The following PSMB7 variants were observed in gnomAD, a reference collection of about 807,000 sequenced individuals.
The protein encoded by PSMB7 is proteasome 20S subunit beta 7, also known as proteasome subunit beta type-7.
Under a neutral mutation model 28.1 loss-of-function variants are expected in PSMB7, and 5 were observed. The ratio of observed to expected loss-of-function variants is 0.18; its 90% CI spans 0.09 to 0.37. The LOEUF (loss-of-function observed/expected upper bound fraction) is 0.37, where lower values mean the gene tolerates loss of function less well. Ranked by LOEUF, PSMB7 falls within the 10% of genes least tolerant of loss-of-function variation. PSMB7 has a pLI of 1.00. For synonymous variants in PSMB7, 122 were observed against 123.7 expected (o/e 0.99, Z 0.09); for missense variants, 275 against 346.2 (o/e 0.79, Z 1.63).
intron 5 of PSMB7, among the ~76,000 whole-genome samples, chr9:124,397,350 C>A (rs1478742406): frequency 1.3e-5 from 2 of 152,210 alleles, no homozygotes; most frequent in Non-Finnish European, 2.9e-5. Flanking sequence ...GGGGCCACAC[C>A]ACCAGGAGTC....
At chr9:124,406,497 C>CAAAA (rs772524538) in intron 4 of PSMB7, among the ~76,000 whole-genome samples, 2 of 50,502 alleles carry the variant, frequency 4.0e-5, no homozygotes, top group Admixed American at 2.2e-4. Flanking sequence ...AGAGTTGTCT[C>CAAAA]AAAAAAAAAA....
chr9:124,415,301 C>T (rs1831075191), intron 1 of PSMB7, 63 bp downstream of exon 1: 2 of 1,532,666 alleles, frequency 1.3e-6, no homozygotes, highest in Admixed American at 3.4e-5. Context: ...CACCTTGGCC[C>T]AGCTCCCACC....
intron 6 of PSMB7, among the ~76,000 whole-genome samples, chr9:124,371,256 C>T (rs1830559285): frequency 6.6e-6 from 1 of 152,216 alleles, no homozygotes; most frequent in African/African-American, 2.4e-5. Context: ...CCTGCCAAGG[C>T]AAAACTTATA....
chr9:124,369,820 AT>A (rs1830544058), intron 6 of PSMB7, among the ~76,000 whole-genome samples: 1 of 152,074 alleles, frequency 6.6e-6, no homozygotes, highest in African/African-American at 2.4e-5. Flanking sequence ...GAGGAGTCAC[AT>A]GCAATTTGAG....
chr9:124,353,798 G>T, intron 7 of PSMB7, 89 bp from the exon 8 acceptor site: 1 of 952,676 alleles, frequency 1.0e-6, no homozygotes, highest in Non-Finnish European at 1.7e-6. Flanking sequence ...TTCAGGCAAC[G>T]CAGTGAGCAG....
intron 6 of PSMB7, among the ~76,000 whole-genome samples, chr9:124,380,652 C>A (rs963761473): frequency 2.0e-5 from 3 of 152,142 alleles, no homozygotes; most frequent in Admixed American, 6.5e-5. Context: ...AAAGTGGTTG[C>A]TGGAAACATG....
intron 5 of PSMB7, among the ~76,000 whole-genome samples, chr9:124,397,545 G>A (rs1158737373): frequency 6.6e-6 from 1 of 152,094 alleles, no homozygotes; most frequent in Non-Finnish European, 1.5e-5. Flanking sequence ...GCCAATACAG[G>A]CCCATGGGTA....
intron 2 of PSMB7, among the ~76,000 whole-genome samples, chr9:124,414,544 A>G (rs528237182): frequency 6.6e-6 from 1 of 152,106 alleles, no homozygotes; most frequent in African/African-American, 2.4e-5. Context: ...CTGACCCCAA[A>G]TCTCGTGATC....
chr9:124,392,548 T>C (rs953563453), intron 5 of PSMB7, among the ~76,000 whole-genome samples: 2 of 152,068 alleles, frequency 1.3e-5, no homozygotes, highest in African/African-American at 4.8e-5. Context: ...GCTCTGAGGG[T>C]TACACAAGAT....
intron 5 of PSMB7, among the ~76,000 whole-genome samples, chr9:124,402,553 C>T (rs1045290455): frequency 2.6e-5 from 4 of 151,040 alleles, no homozygotes; most frequent in Non-Finnish European, 2.9e-5. Context: ...TGGTTCCCCA[C>T]GCACACGAAA....
rs1053544586 is a variant in PSMB7 at position 124,380,504 on chromosome 9, G to A, written c.570+4094C>T. Among the ~76,000 whole-genome samples the A allele has an allele frequency of 1.2e-4, 19 of 152,264 alleles. No homozygotes were observed. The East Asian group carries it at 3.7e-3, about 29-fold the overall frequency. On this transcript the variant is annotated intron_variant, in intron 6 of 7. Coordinates refer to ENST00000259457, the MANE Select transcript of PSMB7 (RefSeq NM_002799.4). Reference sequence around the variant, plus strand: ...TGCAGTGAGCCCTGGTCATGCCACTGCACTCCAGCCTGGGCAACAGAGCAA... The same window carrying A: ...TGCAGTGAGCCCTGGTCATGCCACTACACTCCAGCCTGGGCAACAGAGCAA...
chr9:124,382,957 G>A (rs572982595), intron 6 of PSMB7, among the ~76,000 whole-genome samples: 22 of 152,270 alleles, frequency 1.4e-4, no homozygotes, highest in African/African-American at 5.1e-4. Context: ...AAGCTTTCAG[G>A]AAGATTTGAA....
At chr9:124,393,687 T>C (rs993711752) in intron 5 of PSMB7, among the ~76,000 whole-genome samples, 9 of 152,252 alleles carry the variant, frequency 5.9e-5, no homozygotes, top group Admixed American at 5.9e-4. Flanking sequence ...ATTTTTCTTA[T>C]AATTGCAACT....
rs1422306670 is a variant in PSMB7, at chr9:124,413,850, A to AT, written c.254+57dup. 3.4e-5 allele frequency: 43 copies of AT among 1,282,586 alleles called. No homozygotes were observed. The East Asian group carries it at 9.9e-4, about 30-fold the overall frequency. The allele number at this position is 1,282,586 out of a possible 1,614,324, so 79.5% of individuals were successfully genotyped here. On this transcript the variant is annotated intron_variant, in intron 3 of 7. Coordinates refer to ENST00000259457, the MANE Select transcript of PSMB7 (RefSeq NM_002799.4). ...TTTAGTAAGGAGCACAGGAAGGTCA[A>AT]TTTTTAGCCCTGACATGTTTGAAAA... is the stretch of plus-strand genomic sequence containing the variant.
intron 6 of PSMB7, among the ~76,000 whole-genome samples, chr9:124,361,810 G>A (rs771613249): frequency 2.0e-5 from 3 of 152,208 alleles, no homozygotes; most frequent in Admixed American, 6.5e-5. Context: ...CAAACTGATA[G>A]ATTACCTCGG....
At chr9:124,397,040 C>T (rs868364636) in intron 5 of PSMB7, among the ~76,000 whole-genome samples, 2 of 152,122 alleles carry the variant, frequency 1.3e-5, no homozygotes, top group South Asian at 2.1e-4. Flanking sequence ...TAAATGAAAC[C>T]GACGGGATCC....
Position 124,356,708 on chromosome 9 carries a change from C to T in PSMB7, c.722+56G>A. On this transcript the variant is annotated intron_variant, in intron 7 of 7. Coordinates refer to ENST00000259457, the MANE Select transcript of PSMB7 (RefSeq NM_002799.4). The surrounding 1 kb of genome is among the most constrained non-coding windows in gnomAD (Gnocchi z 4.4). ...ACTCCATCCAGATGCCATGGAGATA[C>T]CAAGGGTGGCCACGACGCCAGGGGA... 1 of 1,569,638 alleles carries T rather than the reference C, an allele frequency of 6.4e-7. No homozygotes were observed. Among genetic ancestry groups the T allele is most frequent in the Non-Finnish European group, 8.7e-7 (1 of 1,149,478 alleles).
At chr9:124,359,069 GTAAC>G (rs1188976372) in intron 6 of PSMB7, among the ~76,000 whole-genome samples, 2 of 152,216 alleles carry the variant, frequency 1.3e-5, no homozygotes, top group Admixed American at 6.5e-5. Flanking sequence ...CAGTCTGTAA[GTAAC>G]TGATAAAACT....
At chr9:124,373,320 C>T (rs1830580226) in intron 6 of PSMB7, among the ~76,000 whole-genome samples, 1 of 152,164 alleles carries the variant, frequency 6.6e-6, no homozygotes, top group African/African-American at 2.4e-5. Flanking sequence ...AGGGTTCAGA[C>T]ATCTCTAAAA....
Sources: gnomAD v4.1 joint callset for allele counts (sites outside exome capture counted in the v4.1 genomes callset) on GRCh38, gnomAD v4.1.1 for gene constraint, Gnocchi (gnomAD v3.1) non-coding constraint, MANE v1.5 for transcripts, NCBI Gene and HGNC (gene_info 2026-07-23, HGNC 2026-07-21) for gene names.